The following GRIN2A variants were observed in gnomAD, a reference collection of about 807,000 sequenced individuals.
GRIN2A encodes glutamate ionotropic receptor NMDA type subunit 2A, also known as glutamate receptor ionotropic, NMDA 2A.
A neutral mutation model predicts 113.4 loss-of-function variants in GRIN2A; 22 were observed. The observed-to-expected ratio is 0.19, with a 90% CI of 0.14 to 0.28. The LOEUF (loss-of-function observed/expected upper bound fraction) is 0.28, where lower values mean the gene tolerates loss of function less well. Ranked by LOEUF, GRIN2A falls within the 10% of genes least tolerant of loss-of-function variation. The probability of loss-of-function intolerance (pLI) is 1.00; values close to 1 mark genes in which losing one functional copy is unlikely to be tolerated. For missense variants in GRIN2A, 1,502 were observed against 1,887.0 expected (o/e 0.80, Z 3.78); for synonymous variants, 827 against 738.4 (o/e 1.12, Z -1.94).
intron 2 of GRIN2A, among the ~76,000 whole-genome samples, chr16:10,092,931 T>C (rs2048209531): frequency 6.6e-6 from 1 of 150,540 alleles, no homozygotes; most frequent in South Asian, 2.1e-4. Flanking sequence ...CTCTGCCTCC[T>C]GGGTTCAAGC....
At chr16:9,803,369 T>C (rs2041903422) in intron 10 of GRIN2A, among the ~76,000 whole-genome samples, 1 of 151,526 alleles carries the variant, frequency 6.6e-6, no homozygotes, top group Non-Finnish European at 1.5e-5. Flanking sequence ...ATTGCACCAC[T>C]GCACTGCTGC....
intron 3 of GRIN2A, among the ~76,000 whole-genome samples, chr16:9,892,933 GA>G (rs57666918): frequency 0.024 from 2,334 of 96,554 alleles, 30 homozygotes; most frequent in African/African-American, 0.045. Context: ...GCTAAAAAGT[GA>G]AAAAAAAAAA....
intron 8 of GRIN2A, 81 bp downstream of exon 8, chr16:9,834,024 A>T: frequency 7.3e-7 from 1 of 1,375,324 alleles, no homozygotes; most frequent in Non-Finnish European, 1.0e-6. Flanking sequence ...GTCTAGAGTA[A>T]TGTGTTCTAA....
At chr16:10,080,223 T>A (rs2047952538) in intron 2 of GRIN2A, among the ~76,000 whole-genome samples, 1 of 152,192 alleles carries the variant, frequency 6.6e-6, no homozygotes, top group African/African-American at 2.4e-5. Context: ...TTGCTGTGGT[T>A]CTCACTCCCA....
At chr16:10,090,746 A>T (rs1487899426) in intron 2 of GRIN2A, among the ~76,000 whole-genome samples, 1 of 152,192 alleles carries the variant, frequency 6.6e-6, no homozygotes, top group Non-Finnish European at 1.5e-5. Context: ...TTAAGAATAA[A>T]AAGACAAGCC....
chr16:10,039,813 A>AGAGAGAGAGAGAGAGAGAGAGAGAGAGAG (rs1555469303), intron 2 of GRIN2A, among the ~76,000 whole-genome samples: 3 of 73,580 alleles, frequency 4.1e-5, no homozygotes, highest in Non-Finnish European at 7.6e-5. Flanking sequence ...GGGGGGGAGA[A>AGAGAGAGAGAGAGAGAGAGAGAGAGAGAG]AGAGAGAGAG....
chr16:10,116,261 C>G (rs564408547), intron 2 of GRIN2A, among the ~76,000 whole-genome samples: 1 of 152,116 alleles, frequency 6.6e-6, no homozygotes, highest in African/African-American at 2.4e-5. Flanking sequence ...TAAGTGAGAG[C>G]TGAACAATGA....
chr16:9,870,984 T>C (rs2043250085), intron 4 of GRIN2A, among the ~76,000 whole-genome samples: 1 of 152,196 alleles, frequency 6.6e-6, no homozygotes. Context: ...TCTTTTCCAA[T>C]GTCATTTTGG....
At chr16:10,151,901 C>T (rs2049585786) in intron 2 of GRIN2A, among the ~76,000 whole-genome samples, 1 of 152,188 alleles carries the variant, frequency 6.6e-6, no homozygotes, top group South Asian at 2.1e-4. Context: ...TACAGCTTTT[C>T]CCAAGGCAGC....
At chr16:9,938,928 C>T (rs897632849) in intron 2 of GRIN2A, among the ~76,000 whole-genome samples, 2 of 152,164 alleles carry the variant, frequency 1.3e-5, no homozygotes, top group African/African-American at 2.4e-5. Context: ...AATAAAACAG[C>T]ATCAGCAAAG....
At chr16:9,835,611 C>G (rs1001315845) in intron 7 of GRIN2A, among the ~76,000 whole-genome samples, 2 of 152,178 alleles carry the variant, frequency 1.3e-5, no homozygotes, top group Non-Finnish European at 2.9e-5. Flanking sequence ...CCCTTTTCCT[C>G]ATAAGCAAAT....
chr16:10,089,582 G>A (rs565911690), intron 2 of GRIN2A, among the ~76,000 whole-genome samples: 1 of 152,090 alleles, frequency 6.6e-6, no homozygotes, highest in Non-Finnish European at 1.5e-5. Flanking sequence ...GAGAGAGTTT[G>A]GGGTATGTGT....
intron 2 of GRIN2A, among the ~76,000 whole-genome samples, chr16:10,071,716 G>A (rs1596477490): frequency 1.3e-5 from 2 of 152,150 alleles, no homozygotes; most frequent in South Asian, 4.1e-4. Context: ...CACAGTACCT[G>A]GCTGCTGCTT....
intron 3 of GRIN2A, among the ~76,000 whole-genome samples, chr16:9,909,384 C>A (rs769103303): frequency 9.9e-5 from 15 of 152,174 alleles, no homozygotes; most frequent in Non-Finnish European, 1.8e-4. Context: ...TGAAAGCCAG[C>A]CCTAGGTTGA....
At chr16:9,997,836 C>T (rs2046253594) in intron 2 of GRIN2A, among the ~76,000 whole-genome samples, 1 of 152,214 alleles carries the variant, frequency 6.6e-6, no homozygotes, top group South Asian at 2.1e-4. Flanking sequence ...TGCACATGCT[C>T]TCTTGCCTGC....
At chr16:9,822,145 C>T (rs1184778229) in intron 10 of GRIN2A, 119 bp downstream of exon 10, 3 of 1,093,092 alleles carry the variant, frequency 2.7e-6, no homozygotes, top group Non-Finnish European at 4.2e-6. Context: ...CCCATCTGGA[C>T]CACAGTCACT....
At chr16:10,168,500 A>G (rs368260263) in intron 2 of GRIN2A, among the ~76,000 whole-genome samples, 13 of 152,296 alleles carry the variant, frequency 8.5e-5, no homozygotes, top group African/African-American at 2.4e-4. Flanking sequence ...GAGGTGACCC[A>G]ACCCAACCTT....
intron 3 of GRIN2A, among the ~76,000 whole-genome samples, chr16:9,892,522 G>T (rs1053971475): frequency 1.3e-5 from 2 of 152,138 alleles, no homozygotes; most frequent in Non-Finnish European, 2.9e-5. Flanking sequence ...TAGATGAGGG[G>T]AAGGGAGAAA....
intron 4 of GRIN2A, among the ~76,000 whole-genome samples, chr16:9,875,143 G>A (rs909472976): frequency 6.6e-5 from 10 of 151,798 alleles, no homozygotes; most frequent in African/African-American, 2.4e-4. Context: ...ACTACAGGTG[G>A]CTCCTCACTG....
Sources: allele counts gnomAD v4.1 joint callset (sites outside exome capture counted in the v4.1 genomes callset), GRCh38; gene constraint gnomAD v4.1.1; transcripts MANE v1.5; gene names NCBI Gene and HGNC (gene_info 2026-07-23, HGNC 2026-07-21).